Variants in ABCA6 observed in about 807,000 individuals in gnomAD.
ABCA6 encodes the protein ATP binding cassette subfamily A member 6.
A neutral mutation model predicts 191.2 loss-of-function variants in ABCA6; 164 were observed. The ratio of observed to expected loss-of-function variants is 0.86; its 90% CI spans 0.76 to 0.98. The LOEUF (loss-of-function observed/expected upper bound fraction) is 0.98. ABCA6 is among the 50% of genes least tolerant of loss of function. The pLI is 0.00. For synonymous variants in ABCA6, 636 were observed against 647.7 expected (o/e 0.98, Z 0.27); for missense variants, 1,958 against 1,894.1 (o/e 1.03, Z -0.63).
chr17:69,105,573 C>T lies in ABCA6; in HGVS notation c.2629G>A (p.Ala877Thr), dbSNP rs1011067832. Residue 877 changes from alanine to threonine, a missense_variant, in exon 20 of 39, where the codon GCT (alanine) becomes ACT (threonine). By Grantham distance (58) the Ala-to-Thr change is moderately conservative. Transcript: ENST00000284425. Reference sequence around the variant, plus strand: ...CAATCGATCTTTTCATTTAACATAGCATACATTATATTTTCAACAATCAAA... The same window carrying T: ...CAATCGATCTTTTCATTTAACATAGTATACATTATATTTTCAACAATCAAA... ...FPLIVENIMY[A>T]MLNEKIDWEF... 4 of 1,570,866 alleles carry T rather than the reference C, an allele frequency of 2.5e-6. No individual in the cohort carries two copies. In the East Asian group the frequency reaches 6.7e-5, roughly 26 times the overall value.
Position 69,098,829 on chromosome 17 carries a change from C to T in ABCA6, c.3013-802G>A, listed in dbSNP as rs2073111282. On this transcript the variant is annotated intron_variant, in intron 22 of 38. Transcript: ENST00000284425. ...GGGGAGGGGGAAAGCTAATTGGCATCGAGTTTCAATTCCGCAAGACGGCAA... is the reference window on the plus strand; with the variant it reads ...GGGGAGGGGGAAAGCTAATTGGCATTGAGTTTCAATTCCGCAAGACGGCAA... Among the ~76,000 whole-genome samples the T allele has an allele frequency of 2.6e-5, 4 of 152,038 alleles. 1 individual carries two copies. The highest frequency in any genetic ancestry group is 4.2e-4 in the South Asian group (2 of 4,818).
At chr17:69,104,138 G>A (rs2073240810) in intron 20 of ABCA6, 1 of 152,002 alleles carries the variant, frequency 6.6e-6, no homozygotes. Context: ...GGCAGACAGG[G>A]ATGCTCACAT....
rs1340023475 is a variant in ABCA6 at position 69,100,101 on chromosome 17, T to C, written c.3012+696A>G. ...ATTCCTTATGACATGGTTAGGTGGG[T>C]GATGAGCATCCCACAAAGATGGTGA... On this transcript the variant is annotated intron_variant, in intron 22 of 38. Coordinates refer to ENST00000284425, the MANE Select transcript of ABCA6 (RefSeq NM_080284.3). 2.6e-5 allele frequency among the ~76,000 whole-genome samples: 4 copies of C among 152,134 alleles called. No individual in the cohort carries two copies. The East Asian group carries it at 7.7e-4, about 29-fold the overall frequency.
intron 2 of ABCA6, among the ~76,000 whole-genome samples, chr17:69,139,529 G>T (rs1206304951): frequency 2.6e-5 from 4 of 152,156 alleles, no homozygotes; most frequent in Non-Finnish European, 2.9e-5. Context: ...CATTGTGGAA[G>T]TCAGTGTGGT....
At chr17:69,102,686 C>G in intron 21 of ABCA6, 149 bp downstream of exon 21, 1 of 650,936 alleles carries the variant, frequency 1.5e-6, no homozygotes, top group South Asian at 2.9e-5. Context: ...TTTACAAAAA[C>G]TTAGGTAAAC....
intron 7 of ABCA6, among the ~76,000 whole-genome samples, chr17:69,129,222 G>A (rs1042729439): frequency 6.6e-6 from 1 of 152,076 alleles, no homozygotes; most frequent in Admixed American, 6.6e-5. Context: ...GTAAGTATGA[G>A]ACAGAATATT....
At chr17:69,079,680 T>A (rs1374958248) in intron 37 of ABCA6, among the ~76,000 whole-genome samples, 3 of 152,208 alleles carry the variant, frequency 2.0e-5, no homozygotes, top group African/African-American at 7.2e-5. Context: ...AAAGTCTGCA[T>A]GACAGTTGTC....
At chr17:69,126,588 C>T (rs2073759104) in intron 8 of ABCA6, among the ~76,000 whole-genome samples, 3 of 151,914 alleles carry the variant, frequency 2.0e-5, no homozygotes, top group Admixed American at 1.3e-4. Context: ...GTTGAGGCTG[C>T]AGTGAGCTGT....
intron 10 of ABCA6, among the ~76,000 whole-genome samples, chr17:69,119,266 C>T (rs1409755819): frequency 6.6e-6 from 1 of 152,052 alleles, no homozygotes; most frequent in East Asian, 1.9e-4. Flanking sequence ...ACCCATTTCC[C>T]CATCACGCAG....
At position 69,105,688 on chromosome 17, in the gene ABCA6, C is replaced by T. The variant is rs747966698; in HGVS notation, c.2574-60G>A. 1,034 of 1,251,842 alleles carry T rather than the reference C, an allele frequency of 8.3e-4. 1 individual carries two copies. The highest frequency in any genetic ancestry group is 1.1e-3 in the Non-Finnish European group (988 of 894,924). The allele number at this position is 1,251,842 out of a possible 1,614,324, so 77.5% of individuals were successfully genotyped here. On this transcript the variant is annotated intron_variant, in intron 19 of 38. Coordinates refer to ENST00000284425, the MANE Select transcript of ABCA6 (RefSeq NM_080284.3). The stretch of plus-strand genomic sequence containing the variant: ...CAGGAATTTTATTTATTTAGTAAGA[C>T]ATTCCACAAGTATTTGTTGAGTGCC...
At chr17:69,082,084 T>A (rs758982008) in intron 36 of ABCA6, among the ~76,000 whole-genome samples, 6 of 152,196 alleles carry the variant, frequency 3.9e-5, no homozygotes, top group Non-Finnish European at 7.3e-5. Context: ...GTTTTATCAT[T>A]TTTGATCTTC....
intron 25 of ABCA6, among the ~76,000 whole-genome samples, chr17:69,093,739 A>G (rs2144629749): frequency 6.6e-6 from 1 of 152,318 alleles, no homozygotes; most frequent in Non-Finnish European, 1.5e-5. Flanking sequence ...AAATCATACT[A>G]GACAATTTTG....
intron 29 of ABCA6, 139 bp downstream of exon 29, chr17:69,087,214 T>A (rs956336757): frequency 2.6e-5 from 28 of 1,075,488 alleles, no homozygotes; most frequent in Non-Finnish European, 3.7e-5. Context: ...TGCAGATACT[T>A]CTTTGGAGTG....
intron 22 of ABCA6, among the ~76,000 whole-genome samples, chr17:69,099,862 T>G (rs1275055664): frequency 6.6e-6 from 1 of 152,232 alleles, no homozygotes. Context: ...TGCTTGCATA[T>G]ACTCCCAGCA....
intron 32 of ABCA6, 64 bp from the exon 33 acceptor site, chr17:69,084,571 G>C (rs2072729106): frequency 7.1e-7 from 1 of 1,410,926 alleles, no homozygotes; most frequent in Non-Finnish European, 1.0e-6. Flanking sequence ...CAAGCACACA[G>C]AACAGTAACA....
intron 36 of ABCA6, 113 bp downstream of exon 36, chr17:69,082,760 G>A: frequency 7.0e-7 from 1 of 1,435,658 alleles, no homozygotes; most frequent in East Asian, 2.3e-5. Context: ...CTTTTCTGAG[G>A]TCCCTAACTT....
chr17:69,119,231 C>A (rs2073594243), intron 10 of ABCA6, among the ~76,000 whole-genome samples: 1 of 152,076 alleles, frequency 6.6e-6, no homozygotes, highest in African/African-American at 2.4e-5. Context: ...ATATGCAGAA[C>A]AGACTTCACT....
At chr17:69,084,181 G>T in intron 34 of ABCA6, 80 bp downstream of exon 34, 2 of 1,324,456 alleles carry the variant, frequency 1.5e-6, no homozygotes, top group Non-Finnish European at 2.1e-6. Flanking sequence ...GGGTTTGAGG[G>T]CTGATTTTCC....
chr17:69,106,168 A>G lies in ABCA6; in HGVS notation c.2433T>C (p.Asn811=). ...VEMIRDSESL[N]EMELAHSSFS... ...AGGAAGAGTGAGCCAGCTCCATTTC[A>G]TTGAGGCTTTCTGAGTCTCTTATCA... Residue 811 remains asparagine, a synonymous_variant, in exon 19 of 39, where the codon AAT becomes AAC. Coordinates refer to ENST00000284425, the MANE Select transcript of ABCA6 (RefSeq NM_080284.3). The G allele has an allele frequency of 3.1e-6, 5 of 1,613,740 alleles. No homozygotes were observed. Among genetic ancestry groups the G allele is most frequent in the Non-Finnish European group, 3.4e-6 (4 of 1,179,788 alleles).
Sources: gnomAD v4.1 joint callset for allele counts (sites outside exome capture counted in the v4.1 genomes callset) on GRCh38, gnomAD v4.1.1 for gene constraint, MANE v1.5 for transcripts, NCBI Gene and HGNC (gene_info 2026-07-23, HGNC 2026-07-21) for gene names.